DONSON: variants seen among roughly 807,000 people sequenced by gnomAD.
DONSON encodes protein downstream neighbor of Son.
Under a neutral mutation model 62.1 loss-of-function variants are expected in DONSON, and 43 were observed. The observed-to-expected ratio is 0.69, with a 90% CI of 0.54 to 0.89. The LOEUF is 0.89. Among genes scored for constraint, DONSON ranks in the 40% least tolerant of loss-of-function variants. DONSON has a pLI of 0.00. For synonymous variants in DONSON, 266 were observed against 264.6 expected, an observed-to-expected ratio of 1.01 and a Z score of -0.05; for missense variants, 696 against 697.5, an observed-to-expected ratio of 1.00 and a Z score of 0.03.
intron 7 of DONSON, 91 bp downstream of exon 7, chr21:33,581,860 G>T: frequency 2.6e-6 from 3 of 1,134,482 alleles, no homozygotes; most frequent in Non-Finnish European, 2.6e-6. Flanking sequence ...GATAATTTAA[G>T]ATTATAATCA....
chr21:33,586,565 A>G (rs1307835116), intron 2 of DONSON, among the ~76,000 whole-genome samples: 2 of 152,240 alleles, frequency 1.3e-5, no homozygotes, highest in Non-Finnish European at 2.9e-5. Flanking sequence ...TATTTAAGAA[A>G]CATTTCCTGA....
intron 9 of DONSON, 37 bp downstream of exon 9, chr21:33,579,313 T>A (rs775436076): frequency 2.8e-6 from 4 of 1,445,430 alleles, no homozygotes; most frequent in Non-Finnish European, 3.7e-6. Context: ...TTGAGGAAAC[T>A]ACAACTAAAA....
At position 33,588,680 on chromosome 21, in the gene DONSON, G is replaced by A; in HGVS notation, c.-39C>T. On this transcript the variant is annotated 5_prime_UTR_variant, in exon 1 of 10. Coordinates refer to ENST00000303071, the MANE Select transcript of DONSON (RefSeq NM_017613.4). Reference sequence around the variant, plus strand: ...TGAGGGTAGCCGGCCGCCCTACAGAGACTTCCCGCGCGCGCCGGGCCCGCC... The same window carrying A: ...TGAGGGTAGCCGGCCGCCCTACAGAAACTTCCCGCGCGCGCCGGGCCCGCC... 1.6e-6 allele frequency: 2 copies of A among 1,223,118 alleles called. No individual in the cohort carries two copies. Among genetic ancestry groups the A allele is most frequent in the African/African-American group, 3.1e-5 (2 of 63,954 alleles). The allele number at this position is 1,223,118 out of a possible 1,614,324, so 75.8% of individuals were successfully genotyped here. A position where few individuals can be genotyped will look rare whatever the true frequency, so the allele number is the denominator to read the frequency against.
intron 8 of DONSON, among the ~76,000 whole-genome samples, chr21:33,580,260 ATG>A (rs2086490440): frequency 6.7e-6 from 1 of 148,478 alleles, no homozygotes; most frequent in Non-Finnish European, 1.5e-5. Context: ...GAATGAATGA[ATG>A]AATGAATGCA....
At chr21:33,578,875 G>A (rs767950686) in intron 9 of DONSON, among the ~76,000 whole-genome samples, 8 of 152,196 alleles carry the variant, frequency 5.3e-5, no homozygotes, top group Non-Finnish European at 1.2e-4. Flanking sequence ...CGTGGCTCAA[G>A]CCTGTAATCC....
Position 33,581,040 on chromosome 21 carries a change from C to T in DONSON, c.1350+262G>A, listed in dbSNP as rs960846434. ...GTTGCAGTGAGTTGAGATCACGCCA[C>T]TGCACTCCATTCAGCCTGGATAGCA... is the stretch of plus-strand genomic sequence containing the variant. On this transcript the variant is annotated intron_variant, in intron 8 of 9. Coordinates refer to ENST00000303071, the MANE Select transcript of DONSON (RefSeq NM_017613.4). 9 of 322,314 alleles carry T rather than the reference C, an allele frequency of 2.8e-5. 1 individual carries two copies. Among genetic ancestry groups the T allele is most frequent in the Admixed American group, 2.1e-4 (5 of 23,902 alleles). The allele number at this position is 322,314 out of a possible 1,614,324, so 20.0% of individuals were successfully genotyped here.
chr21:33,582,967 C>T (rs1316079110), intron 5 of DONSON, among the ~76,000 whole-genome samples: 3 of 151,780 alleles, frequency 2.0e-5, no homozygotes, highest in East Asian at 3.9e-4. Context: ...TTTGGGAGGC[C>T]GAGGCGGGCG....
rs758139862 is a variant in DONSON at position 33,581,499 on chromosome 21, G to C, written c.1153C>G (p.Arg385Gly). 6.2e-7 allele frequency: 1 copy of C among 1,610,420 alleles called. No individual in the cohort carries two copies. Among genetic ancestry groups the C allele is most frequent in the Non-Finnish European group, 8.5e-7 (1 of 1,177,642 alleles). The change falls in exon 8 of 10, where the codon CGT becomes GGT. Residue 385 changes from arginine (R) to glycine (G), a missense_variant and splice_region_variant. Arg to Gly is a moderately radical substitution (Grantham distance 125). Coordinates refer to ENST00000303071, the MANE Select transcript of DONSON (RefSeq NM_017613.4). ...KKPDILSIKL[R>G]KEKHEVQMDH... ...ATTTGTACTTCATGTTTCTCTTTAC[G>C]CCTGAAGATGACAATCAAGGAAATT... is the stretch of plus-strand genomic sequence containing the variant.
Position 33,578,301 on chromosome 21 carries a change from T to C in DONSON, c.*6A>G, listed in dbSNP as rs1213491613. 6.2e-7 allele frequency: 1 copy of C among 1,611,122 alleles called. No individual in the cohort carries two copies. The highest frequency in any genetic ancestry group is 2.2e-5 in the East Asian group (1 of 44,808). On this transcript the variant is annotated 3_prime_UTR_variant, in exon 10 of 10. Transcript: ENST00000303071. Reference sequence around the variant, plus strand: ...TCAAAGATTCCTTTTAGGCTTACTTTGGTGTTCAGGATCTCCAATTATAAA... The same window carrying C: ...TCAAAGATTCCTTTTAGGCTTACTTCGGTGTTCAGGATCTCCAATTATAAA...
rs775673237 is a variant in DONSON at position 33,579,536 on chromosome 21, TTG to T, written c.1375_1376del (p.Gln459SerfsTer10). 6.8e-6 allele frequency: 11 copies of T among 1,614,038 alleles called. No individual in the cohort carries two copies. The highest frequency in any genetic ancestry group is 2.5e-6 in the Non-Finnish European group (3 of 1,180,002). ...LKARSVNVKT[Q>X]ALSGYRDQFS... ...ATTGGTCTCTGTATCCAGAAAGAGC[TTG>T]TGTCTTCACATTCACACTCCGTGCC... On this transcript the variant is annotated frameshift_variant, in exon 9 of 10. Transcript: ENST00000303071. LOFTEE classifies it high-confidence loss of function.
intron 4 of DONSON, among the ~76,000 whole-genome samples, chr21:33,584,045 T>TAC (rs2086549764): frequency 2.4e-5 from 3 of 126,356 alleles, no homozygotes; most frequent in Non-Finnish European, 4.9e-5. Flanking sequence ...TATATATATA[T>TAC]ACTTTTTTTT....
In DONSON at chr21:33,580,425, G is replaced by A. The variant is rs1474095663; in HGVS notation, c.1351-863C>T. Among the ~76,000 whole-genome samples, 11 of 108,224 alleles carry A rather than the reference G, an allele frequency of 1.0e-4. No individual in the cohort carries two copies. In the East Asian group the frequency reaches 1.1e-3, roughly 11 times the overall value. 71.0% of individuals were successfully genotyped at this position (108,224 alleles called of 152,430 possible). On this transcript the variant is annotated intron_variant, in intron 8 of 9. Coordinates refer to ENST00000303071, the MANE Select transcript of DONSON (RefSeq NM_017613.4). ...AAAAAAAAAAAAAAATTAGCCAGGCGTGGTGGCACACGCCTGGGTGAGAGT... is the reference window on the plus strand; with the variant it reads ...AAAAAAAAAAAAAAATTAGCCAGGCATGGTGGCACACGCCTGGGTGAGAGT...
chr21:33,586,054 A>C lies in DONSON; in HGVS notation c.530T>G (p.Leu177Trp). ...ACCTTGAGCTTCTTCCTGTGCTTTC[A>C]AATGATCTGCCCAGGTAAAGGGTTG... ...SSQPFTWADH[L>W]KAQEEAQGLV... The change falls in exon 3 of 10, where the codon TTG becomes TGG. Residue 177 changes from leucine (L) to tryptophan (W), a missense_variant. By Grantham distance (61) the Leu-to-Trp change is moderately conservative (BLOSUM62 -2). Coordinates refer to ENST00000303071, the MANE Select transcript of DONSON (RefSeq NM_017613.4). 5 of 1,614,222 alleles carry C rather than the reference A, an allele frequency of 3.1e-6. No individual in the cohort carries two copies. The highest frequency in any genetic ancestry group is 4.2e-6 in the Non-Finnish European group (5 of 1,180,038).
At chr21:33,583,338 G>C in intron 5 of DONSON, 150 bp downstream of exon 5, 1 of 634,608 alleles carries the variant, frequency 1.6e-6, no homozygotes, top group Non-Finnish European at 2.5e-6. Context: ...ATAATTGTGG[G>C]GGAGGGAAAA....
chr21:33,582,343 T>C lies in DONSON; in HGVS notation c.965-97A>G. ...GTAAAAAATTTGAAATGTTAGTTTT[T>C]ACAAATGATCTATTAAGGCAGTAGA... is the stretch of plus-strand genomic sequence containing the variant. On this transcript the variant is annotated intron_variant, in intron 5 of 9. Coordinates refer to ENST00000303071, the MANE Select transcript of DONSON (RefSeq NM_017613.4). The C allele has an allele frequency of 1.5e-5, 15 of 972,890 alleles. No homozygotes were observed. In the South Asian group the frequency reaches 2.1e-4, roughly 14 times the overall value. The allele number at this position is 972,890 out of a possible 1,614,324, so 60.3% of individuals were successfully genotyped here. A position where few individuals can be genotyped will look rare whatever the true frequency, so the allele number is the denominator to read the frequency against.
intron 2 of DONSON, among the ~76,000 whole-genome samples, chr21:33,586,826 G>C (rs192534721): frequency 6.6e-6 from 1 of 151,786 alleles, no homozygotes; most frequent in Non-Finnish European, 1.5e-5. Context: ...TAGTCGAGAC[G>C]GGGGTTTCGT....
intron 2 of DONSON, 134 bp from the exon 3 acceptor site, chr21:33,586,315 A>G: frequency 1.3e-6 from 1 of 746,398 alleles, no homozygotes; most frequent in Non-Finnish European, 2.2e-6. Context: ...TGAAAAATAC[A>G]TTACACACTG....
At chr21:33,581,580 G>A (rs2145901949) in intron 7 of DONSON, 80 bp from the exon 8 acceptor site, 1 of 1,167,948 alleles carries the variant, frequency 8.6e-7, no homozygotes, top group East Asian at 2.4e-5. Context: ...TGAATCACCT[G>A]AGACTCCTTT....
rs756225695 is a variant in DONSON at position 33,581,324 on chromosome 21, C to A, written c.1328G>T (p.Gly443Val). The change falls in exon 8 of 10, where the codon GGT becomes GTT. Residue 443 changes from glycine to valine, a missense_variant. By Grantham distance (109) the Gly-to-Val change is moderately radical. Coordinates refer to ENST00000303071, the MANE Select transcript of DONSON (RefSeq NM_017613.4). ...TACCTTAAGCATTTGCATTGTGGCA[C>A]CTCGGAAAGCAACAGGGGACAAGAG... is the stretch of plus-strand genomic sequence containing the variant. The part of the protein sequence containing the change: ...PTLLSPVAFR[G>V]ATMQMLKARS... 2 of 1,613,980 alleles carry A rather than the reference C, an allele frequency of 1.2e-6. No homozygotes were observed. Among genetic ancestry groups the A allele is most frequent in the Non-Finnish European group, 1.7e-6 (2 of 1,180,000 alleles).
Sources: allele counts gnomAD v4.1 joint callset (sites outside exome capture counted in the v4.1 genomes callset), GRCh38; gene constraint gnomAD v4.1.1; transcripts MANE v1.5; gene names NCBI Gene and HGNC (gene_info 2026-07-23, HGNC 2026-07-21).